Variants in SERPINF1 observed in about 807,000 individuals in gnomAD.
SERPINF1 encodes the protein pigment epithelium-derived factor.
A neutral mutation model predicts 37.3 loss-of-function variants in SERPINF1; 29 were observed. The ratio of observed to expected loss-of-function variants is 0.78; its 90% CI spans 0.58 to 1.06. The LOEUF (loss-of-function observed/expected upper bound fraction) is 1.06, where lower values mean the gene tolerates loss of function less well. Ranked by LOEUF, SERPINF1 falls within the 50% of genes least tolerant of loss-of-function variation. The pLI, the probability that SERPINF1 is intolerant of heterozygous loss-of-function variation, is 0.00. For missense variants in SERPINF1, 553 were observed against 532.2 expected (o/e 1.04, Z -0.38); for synonymous variants, 281 against 227.9 (o/e 1.23, Z -2.10).
In SERPINF1 at chr17:1,776,861, G is replaced by A. The variant is rs2151213113; in HGVS notation, c.997+119G>A. 5 of 935,020 alleles carry A rather than the reference G, an allele frequency of 5.3e-6. No homozygotes were observed. The South Asian group carries it at 5.6e-5, about 10-fold the overall frequency. The allele number at this position is 935,020 out of a possible 1,614,324, so 57.9% of individuals were successfully genotyped here. The stretch of plus-strand genomic sequence containing the variant: ...ACAGGCTTGTAGGGGGGCCGTGGAT[G>A]AGTCCTTAATCCTCATCGTGCCAGA... On this transcript the variant is annotated intron_variant, in intron 7 of 7. Coordinates refer to ENST00000254722, the MANE Select transcript of SERPINF1 (RefSeq NM_002615.7).
In SERPINF1 at chr17:1,769,950, C is replaced by T. The variant is rs773929111; in HGVS notation, c.183C>T (p.Phe61=). Residue 61 remains phenylalanine (F), a synonymous_variant, in exon 3 of 8, where the codon TTC becomes TTT. Transcript: ENST00000254722. ...VNKLAAAVSN[F]GYDLYRVRSS... is the part of the protein sequence containing the mutation. ...AGCTGGCAGCGGCTGTCTCCAACTTCGGCTATGACCTGTACCGGGTGCGAT... is the reference window on the plus strand; with the variant it reads ...AGCTGGCAGCGGCTGTCTCCAACTTTGGCTATGACCTGTACCGGGTGCGAT... 15 of 1,614,034 alleles carry T rather than the reference C, an allele frequency of 9.3e-6. No homozygotes were observed. Among genetic ancestry groups the T allele is most frequent in the South Asian group, 3.3e-5 (3 of 91,082 alleles).
chr17:1,774,329 G>A (rs935069261), intron 5 of SERPINF1, among the ~76,000 whole-genome samples: 4 of 152,182 alleles, frequency 2.6e-5, no homozygotes, highest in African/African-American at 9.7e-5. Flanking sequence ...CCGAGTAGCT[G>A]GGATTACAGA....
At chr17:1,769,201 A>C (rs1400483158) in intron 2 of SERPINF1, among the ~76,000 whole-genome samples, 1 of 150,470 alleles carries the variant, frequency 6.6e-6, no homozygotes, top group East Asian at 2.0e-4. Context: ...CAAGGTCAGG[A>C]GATCGAGACC....
In SERPINF1 at chr17:1,775,085, G is replaced by C. The variant is rs756555228; in HGVS notation, c.671G>C (p.Arg224Thr). The change falls in exon 6 of 8, where the codon AGA becomes ACA. Residue 224 changes from arginine (R) to threonine (T), a missense_variant. Transcript: ENST00000254722. ...KGQWVTKFDS[R>T]KTSLEDFYLD... ...CAGTGGGTAACAAAGTTTGACTCCA[G>C]AAAGACTTCCCTCGAGGATTTCTAC... 1 of 1,614,116 alleles carries C rather than the reference G, an allele frequency of 6.2e-7. No homozygotes were observed. The highest frequency in any genetic ancestry group is 8.5e-7 in the Non-Finnish European group (1 of 1,180,028).
At chr17:1,764,325 C>T (rs59331150) in intron 1 of SERPINF1, among the ~76,000 whole-genome samples, 23 of 152,360 alleles carry the variant, frequency 1.5e-4, no homozygotes, top group African/African-American at 5.0e-4. Context: ...ATAAACCAGT[C>T]TGCAGAGGCT....
intron 5 of SERPINF1, among the ~76,000 whole-genome samples, chr17:1,772,937 C>T (rs565073270): frequency 7.2e-5 from 11 of 152,162 alleles, no homozygotes; most frequent in Non-Finnish European, 1.5e-4. Flanking sequence ...CCTCCCACCT[C>T]GGCCTCCCAA....
chr17:1,774,611 CGT>C (rs1361116829), intron 5 of SERPINF1, among the ~76,000 whole-genome samples: 3 of 152,006 alleles, frequency 2.0e-5, no homozygotes, highest in African/African-American at 7.3e-5. Flanking sequence ...GGACTACAGG[CGT>C]GAGTCACCGT....
At chr17:1,766,667 A>G (rs1162047340) in intron 1 of SERPINF1, 2 of 543,666 alleles carry the variant, frequency 3.7e-6, no homozygotes, top group East Asian at 3.1e-5. Context: ...TTATGGTATG[A>G]CTGTGGGCCC....
chr17:1,777,045 C>A, intron 7 of SERPINF1, 142 bp from the exon 8 acceptor site: 1 of 1,324,950 alleles, frequency 7.5e-7, no homozygotes, highest in South Asian at 1.3e-5. Context: ...CAAGTCACTC[C>A]ACCCTCGGTC....
intron 3 of SERPINF1, 104 bp from the exon 4 acceptor site, chr17:1,770,925 C>T (rs570946977): frequency 7.0e-7 from 1 of 1,433,564 alleles, no homozygotes; most frequent in South Asian, 1.1e-5. Context: ...TACTTGGGCT[C>T]TCAGCAGACA....
At chr17:1,766,751 CCTGGAGGGGTGAGGGGTGGTCG>C (rs1033055290) in intron 1 of SERPINF1, 130 bp from the exon 2 acceptor site, 9 of 671,788 alleles carry the variant, frequency 1.3e-5, no homozygotes, top group African/African-American at 1.1e-4. Flanking sequence ...CTTCTGGGGG[CCTGGAGGGGTGAGGGGTGGTCG>C]CTGCAGGGGG....
intron 3 of SERPINF1, chr17:1,770,393 C>G: frequency 4.6e-6 from 2 of 433,780 alleles, no homozygotes; most frequent in South Asian, 2.5e-5. Flanking sequence ...TGGGCTTGCC[C>G]TCACCGAGGA....
At chr17:1,772,816 G>A (rs1444231458) in intron 5 of SERPINF1, among the ~76,000 whole-genome samples, 1 of 151,844 alleles carries the variant, frequency 6.6e-6, no homozygotes, top group Non-Finnish European at 1.5e-5. Flanking sequence ...AAAGTGCTGG[G>A]ATTACAGGCG....
chr17:1,764,323 G>C (rs1321649610), intron 1 of SERPINF1, among the ~76,000 whole-genome samples: 1 of 152,258 alleles, frequency 6.6e-6, no homozygotes, highest in Admixed American at 6.5e-5. Context: ...TAATAAACCA[G>C]TCTGCAGAGG....
In SERPINF1 at chr17:1,775,185, A is replaced by C; in HGVS notation, c.771A>C (p.Ser257=). The C allele has an allele frequency of 3.7e-6, 6 of 1,608,252 alleles. No homozygotes were observed. The highest frequency in any genetic ancestry group is 5.1e-6 in the Non-Finnish European group (6 of 1,176,096). ...CTGTTTTACGCTATGGCTTGGATTC[A>C]GATCTCAGCTGCAAGGTCTGTAGGG... ...PKAVLRYGLD[S]DLSCKIAQLP... Residue 257 remains serine, a synonymous_variant, in exon 6 of 8, where the codon TCA becomes TCC. Coordinates refer to ENST00000254722, the MANE Select transcript of SERPINF1 (RefSeq NM_002615.7).
intron 4 of SERPINF1, 89 bp downstream of exon 4, chr17:1,771,273 G>T (rs1907720224): frequency 1.5e-6 from 2 of 1,337,058 alleles, no homozygotes; most frequent in African/African-American, 1.5e-5. Context: ...TTTTGAGACG[G>T]AGTCTCGCTC....
intron 4 of SERPINF1, 81 bp downstream of exon 4, chr17:1,771,265 T>C (rs1472352305): frequency 2.2e-6 from 3 of 1,346,552 alleles, no homozygotes; most frequent in African/African-American, 1.7e-5. Context: ...TTTTTTTTTT[T>C]TGAGACGGAG....
chr17:1,770,317 C>T (rs2151207677), intron 3 of SERPINF1, among the ~76,000 whole-genome samples: 1 of 152,332 alleles, frequency 6.6e-6, no homozygotes, highest in African/African-American at 2.4e-5. Context: ...AAGGCACATT[C>T]TTGCATTCCT....
At chr17:1,769,651 T>C in intron 2 of SERPINF1, 1 of 631,196 alleles carries the variant, frequency 1.6e-6, no homozygotes, top group Non-Finnish European at 2.8e-6. Flanking sequence ...CTGATCTCTC[T>C]TCTGCGCTGT....
Sources: gnomAD v4.1 joint callset for allele counts (sites outside exome capture counted in the v4.1 genomes callset) on GRCh38, gnomAD v4.1.1 for gene constraint, MANE v1.5 for transcripts, NCBI Gene and HGNC (gene_info 2026-07-23, HGNC 2026-07-21) for gene names.